Variants in FER observed in about 807,000 individuals in gnomAD.
The protein encoded by FER is tyrosine-protein kinase Fer.
FER carries 63 observed loss-of-function variants against 111.0 expected under a neutral mutation model. That is an observed-to-expected ratio of 0.57 (90% confidence interval 0.46 to 0.70). FER has a LOEUF of 0.70. Among genes scored for constraint, FER ranks in the 30% least tolerant of loss-of-function variants. The pLI, the probability that FER is intolerant of heterozygous loss-of-function variation, is 0.00. For synonymous variants in FER, 327 were observed against 313.9 expected (o/e 1.04, Z -0.44); for missense variants, 914 against 954.0 (o/e 0.96, Z 0.55).
chr5:109,108,945 T>C (rs1749275705), intron 17 of FER, among the ~76,000 whole-genome samples: 1 of 152,120 alleles, frequency 6.6e-6, no homozygotes, highest in African/African-American at 2.4e-5. Context: ...TAAAATATTG[T>C]TCATCATTTT....
chr5:108,869,716 A>G (rs1428887868), intron 6 of FER, among the ~76,000 whole-genome samples: 1 of 152,110 alleles, frequency 6.6e-6, no homozygotes, highest in Admixed American at 6.6e-5. Flanking sequence ...CAGATTAGGG[A>G]TAATATTTCT....
intron 10 of FER, among the ~76,000 whole-genome samples, chr5:108,914,366 T>C (rs911022422): frequency 2.0e-5 from 3 of 152,134 alleles, no homozygotes; most frequent in African/African-American, 7.2e-5. Flanking sequence ...CTTTTCTCTG[T>C]TACCGACTCT....
chr5:108,806,652 G>A (rs893971265), intron 3 of FER, among the ~76,000 whole-genome samples: 2 of 152,210 alleles, frequency 1.3e-5, no homozygotes, highest in Non-Finnish European at 2.9e-5. Context: ...TCATTTTGGA[G>A]CTTTGAGATT....
intron 1 of FER, among the ~76,000 whole-genome samples, chr5:108,749,948 C>T (rs1412248082): frequency 2.6e-5 from 4 of 152,200 alleles, no homozygotes; most frequent in Admixed American, 6.5e-5. Context: ...TAGTGCAATT[C>T]AAAATCTAAT....
At chr5:108,822,534 C>CAAAAG (rs1561469361) in intron 3 of FER, among the ~76,000 whole-genome samples, 14 of 152,014 alleles carry the variant, frequency 9.2e-5, no homozygotes, top group African/African-American at 2.7e-4. Flanking sequence ...TAGCAATCCA[C>CAAAAG]TTTTGTGGGA....
At chr5:109,097,160 GT>G (rs1348927021) in intron 16 of FER, among the ~76,000 whole-genome samples, 1 of 151,778 alleles carries the variant, frequency 6.6e-6, no homozygotes, top group Non-Finnish European at 1.5e-5. Context: ...AGATTAAACA[GT>G]TACCCAAAGC....
chr5:109,065,539 A>G (rs1484393928), intron 16 of FER, among the ~76,000 whole-genome samples: 1 of 152,174 alleles, frequency 6.6e-6, no homozygotes, highest in African/African-American at 2.4e-5. Context: ...TGTGGAAGCG[A>G]TGAAGCTTAT....
intron 17 of FER, among the ~76,000 whole-genome samples, chr5:109,142,437 C>A (rs989098303): frequency 4.6e-5 from 7 of 151,976 alleles, no homozygotes; most frequent in Non-Finnish European, 7.4e-5. Flanking sequence ...AGGCAGGCTC[C>A]ATCTGGAAAA....
At chr5:109,183,461 C>G (rs1758516160) in intron 18 of FER, among the ~76,000 whole-genome samples, 1 of 152,114 alleles carries the variant, frequency 6.6e-6, no homozygotes, top group South Asian at 2.1e-4. Flanking sequence ...ATTGGTCAGG[C>G]TGGTCTCGAA....
intron 4 of FER, among the ~76,000 whole-genome samples, chr5:108,833,347 G>C (rs993474954): frequency 1.3e-5 from 2 of 152,008 alleles, no homozygotes; most frequent in Non-Finnish European, 2.9e-5. Context: ...CCTACATTCG[G>C]AGTCTGTCTC....
intron 8 of FER, among the ~76,000 whole-genome samples, chr5:108,876,442 C>T (rs1765098114): frequency 6.6e-6 from 1 of 152,168 alleles, no homozygotes; most frequent in South Asian, 2.1e-4. Flanking sequence ...ATCACAGTGA[C>T]ACAGTTATAA....
intron 16 of FER, among the ~76,000 whole-genome samples, chr5:109,055,410 A>G (rs1773486049): frequency 6.6e-6 from 1 of 152,244 alleles, no homozygotes; most frequent in African/African-American, 2.4e-5. Context: ...TGCAAATCAT[A>G]TACCTGATAA....
chr5:109,079,704 AG>A (rs1408622468), intron 16 of FER, among the ~76,000 whole-genome samples: 4 of 152,194 alleles, frequency 2.6e-5, no homozygotes, highest in South Asian at 4.2e-4. Flanking sequence ...TACCCAGGAA[AG>A]GTTATGGTTA....
intron 5 of FER, among the ~76,000 whole-genome samples, chr5:108,862,209 T>C (rs891351687): frequency 6.6e-6 from 1 of 152,166 alleles, no homozygotes; most frequent in Non-Finnish European, 1.5e-5. Flanking sequence ...TTAATGACCA[T>C]TGGTAAGCTG....
chr5:108,751,136 G>T (rs1304569095), intron 1 of FER, among the ~76,000 whole-genome samples: 1 of 152,160 alleles, frequency 6.6e-6, no homozygotes, highest in Non-Finnish European at 1.5e-5. Context: ...AGGTTGTGGT[G>T]AGTGGAGATC....
At chr5:108,756,772 TAC>T (rs201971557) in intron 1 of FER, among the ~76,000 whole-genome samples, 2 of 151,958 alleles carry the variant, frequency 1.3e-5, no homozygotes, top group African/African-American at 2.4e-5. Context: ...TTCTTTCTCC[TAC>T]ACACACACAC....
intron 13 of FER, among the ~76,000 whole-genome samples, chr5:108,991,615 CT>C (rs1024332622): frequency 4.2e-4 from 63 of 151,230 alleles, no homozygotes; most frequent in African/African-American, 1.5e-3. Flanking sequence ...AGCAGATAAA[CT>C]TTTTTTTCTG....
chr5:108,764,491 G>A (rs978890583), intron 1 of FER, among the ~76,000 whole-genome samples: 10 of 152,144 alleles, frequency 6.6e-5, no homozygotes, highest in African/African-American at 1.4e-4. Context: ...TCTACCTCCC[G>A]TGTTCAAGCG....
rs187282519 is a variant in FER at position 108,782,921 on chromosome 5, A to G, written c.-60+14683A>G. ...TAGCCCTTTGTCAAAAATCAGTTAA[A>G]CATATTTGTGTTGGTTATTCCTGGA... On this transcript the variant is annotated intron_variant, in intron 2 of 19. Coordinates refer to ENST00000281092, the MANE Select transcript of FER (RefSeq NM_005246.4). Among the ~76,000 whole-genome samples the G allele has an allele frequency of 7.0e-4, 107 of 152,340 alleles. 1 individual carries two copies. The highest frequency in any genetic ancestry group is 5.1e-3 in the Admixed American group (78 of 15,310).
Sources: allele counts gnomAD v4.1 joint callset (sites outside exome capture counted in the v4.1 genomes callset), GRCh38; gene constraint gnomAD v4.1.1; transcripts MANE v1.5; gene names NCBI Gene and HGNC (gene_info 2026-07-23, HGNC 2026-07-21).